Variants in BRD7 observed in about 807,000 individuals in gnomAD.
BRD7 encodes the protein bromodomain-containing protein 7.
In BRD7, 15 loss-of-function variants were observed where a neutral mutation model predicts 82.1. That is an observed-to-expected ratio of 0.18 (90% CI 0.12 to 0.28). BRD7 has a LOEUF of 0.28. Among genes scored for constraint, BRD7 ranks in the 10% least tolerant of loss-of-function variants. BRD7 has a pLI of 1.00. For synonymous variants in BRD7, 232 were observed against 266.9 expected (o/e 0.87, Z 1.27); for missense variants, 638 against 779.9 (o/e 0.82, Z 2.17).
chr16:50,327,166 A>G (rs922874705), intron 9 of BRD7, among the ~76,000 whole-genome samples: 4 of 152,242 alleles, frequency 2.6e-5, no homozygotes, highest in African/African-American at 9.6e-5. Flanking sequence ...GTACCAGACA[A>G]TGAAGCTGAG....
In BRD7 at chr16:50,364,423, C is replaced by T. The variant is rs151309074; in HGVS notation, c.258+3667G>A. Among the ~76,000 whole-genome samples the T allele has an allele frequency of 7.1e-3, 1,075 of 152,260 alleles. 2 individuals are homozygous for T. The highest frequency in any genetic ancestry group is 0.011 in the Non-Finnish European group (759 of 68,016). On this transcript the variant is annotated intron_variant, in intron 2 of 16. Transcript: ENST00000394688. ...ATCTCTCCCTGCTTCCCTGGTCTAGCCTGGAAAAAAAGAATGACCCAAACA... is the reference window on the plus strand; with the variant it reads ...ATCTCTCCCTGCTTCCCTGGTCTAGTCTGGAAAAAAAGAATGACCCAAACA...
rs1597058039 is a variant in BRD7 at position 50,339,834 on chromosome 16, T to C, written c.702+142A>G. 2.9e-5 allele frequency: 12 copies of C among 418,148 alleles called. No homozygotes were observed. The East Asian group carries it at 4.7e-4, about 16-fold the overall frequency. 25.9% of individuals were successfully genotyped at this position (418,148 alleles called of 1,614,324 possible). On this transcript the variant is annotated intron_variant, in intron 6 of 16. Transcript: ENST00000394688. The stretch of plus-strand genomic sequence containing the variant: ...CTTCTCTTTATTAAAATTTTTTTCA[T>C]TTAGTATTTTCTACTTTATTTAATA...
intron 8 of BRD7, 73 bp from the exon 9 acceptor site, chr16:50,328,817 T>A: frequency 7.3e-7 from 1 of 1,374,824 alleles, no homozygotes; most frequent in Admixed American, 1.8e-5. Context: ...TTATCCGAAA[T>A]GCTTGATACC....
At chr16:50,363,784 G>A (rs929668919) in intron 2 of BRD7, among the ~76,000 whole-genome samples, 1 of 152,096 alleles carries the variant, frequency 6.6e-6, no homozygotes, top group Non-Finnish European at 1.5e-5. Flanking sequence ...GCCAGATATG[G>A]TAGCTCACAC....
rs374505181 is a variant in BRD7 at position 50,335,013 on chromosome 16, TA to T, written c.703-119del. ...TCATTAACCAGGGAAGAAAAACAAT[TA>T]AATGTAATCATATACCAAGAGAGTA... On this transcript the variant is annotated intron_variant, in intron 6 of 16. Coordinates refer to ENST00000394688, the MANE Select transcript of BRD7 (RefSeq NM_013263.5). 5.1e-4 allele frequency: 502 copies of T among 993,836 alleles called. 3 individuals are homozygous for T. The African/African-American group carries it at 7.3e-3, about 14-fold the overall frequency. 61.6% of individuals were successfully genotyped at this position (993,836 alleles called of 1,614,324 possible).
At chr16:50,341,502 G>A (rs964481528) in intron 5 of BRD7, among the ~76,000 whole-genome samples, 1 of 151,748 alleles carries the variant, frequency 6.6e-6, no homozygotes, top group Non-Finnish European at 1.5e-5. Flanking sequence ...AATTAGCTGG[G>A]TGTGGTGACA....
chr16:50,349,424 TAAA>T, intron 5 of BRD7: 2 of 317,214 alleles, frequency 6.3e-6, no homozygotes, highest in South Asian at 2.6e-5. Flanking sequence ...GTAAACCATC[TAAA>T]AAAAAAAAAG....
intron 2 of BRD7, among the ~76,000 whole-genome samples, chr16:50,362,697 A>T (rs1402683083): frequency 6.6e-6 from 1 of 152,244 alleles, no homozygotes; most frequent in Non-Finnish European, 1.5e-5. Context: ...ACAGCTACAA[A>T]AAGACAAATA....
chr16:50,350,463 C>T (rs894583407), intron 4 of BRD7, among the ~76,000 whole-genome samples: 2 of 152,172 alleles, frequency 1.3e-5, no homozygotes, highest in Admixed American at 1.3e-4. Context: ...ACAACCTCAA[C>T]TAACTGACCA....
intron 1 of BRD7, 186 bp downstream of exon 1, chr16:50,368,540 G>C (rs1320100671): frequency 8.5e-6 from 6 of 707,960 alleles, no homozygotes; most frequent in Non-Finnish European, 1.3e-5. Flanking sequence ...GGACCAGGGG[G>C]ACCCGGGTTC....
intron 4 of BRD7, among the ~76,000 whole-genome samples, chr16:50,351,735 T>A (rs1003613682): frequency 1.3e-5 from 2 of 152,210 alleles, no homozygotes; most frequent in African/African-American, 2.4e-5. Flanking sequence ...TTGTTTCTAA[T>A]TGACATATAA....
chr16:50,354,395 A>G (rs762472573), intron 4 of BRD7, 30 bp downstream of exon 4: 2 of 1,570,358 alleles, frequency 1.3e-6, no homozygotes, highest in East Asian at 2.2e-5. Context: ...TTTAATTTCT[A>G]TGTTATAAAA....
At chr16:50,320,544 A>C (rs1314753934) in intron 14 of BRD7, 119 bp downstream of exon 14, 1 of 1,417,040 alleles carries the variant, frequency 7.1e-7, no homozygotes, top group East Asian at 2.3e-5. Flanking sequence ...CATTCATTTA[A>C]CTTGGTAAGC....
chr16:50,347,064 G>T (rs182196604), intron 5 of BRD7, among the ~76,000 whole-genome samples: 3 of 152,158 alleles, frequency 2.0e-5, no homozygotes, highest in African/African-American at 7.2e-5. Flanking sequence ...TATCCACCAC[G>T]ATCAAGTTGG....
At chr16:50,319,675 A>G (rs535818133) in intron 16 of BRD7, among the ~76,000 whole-genome samples, 197 of 152,354 alleles carry the variant, frequency 1.3e-3, no homozygotes, top group Non-Finnish European at 2.1e-3. Flanking sequence ...TCTATGAAGT[A>G]TATAAGTAGA....
chr16:50,362,845 AC>A (rs1485684687), intron 2 of BRD7, among the ~76,000 whole-genome samples: 14 of 152,360 alleles, frequency 9.2e-5, no homozygotes, highest in Non-Finnish European at 1.3e-4. Context: ...AAATAGTTGC[AC>A]AAAAATGTAA....
At chr16:50,354,186 G>C (rs973030986) in intron 4 of BRD7, among the ~76,000 whole-genome samples, 4 of 152,298 alleles carry the variant, frequency 2.6e-5, no homozygotes, top group African/African-American at 9.6e-5. Context: ...AATTACTTTA[G>C]AGACAGAAAT....
rs1274559404 is a variant in BRD7, at chr16:50,367,994, C to T, written c.258+96G>A. 33 of 1,212,872 alleles carry T rather than the reference C, an allele frequency of 2.7e-5. No individual in the cohort carries two copies. In the East Asian group the frequency reaches 7.2e-4, roughly 26 times the overall value. 75.1% of individuals were successfully genotyped at this position (1,212,872 alleles called of 1,614,324 possible). A position where few individuals can be genotyped will look rare whatever the true frequency, so the allele number is the denominator to read the frequency against. On this transcript the variant is annotated intron_variant, in intron 2 of 16. Coordinates refer to ENST00000394688, the MANE Select transcript of BRD7 (RefSeq NM_013263.5). The stretch of plus-strand genomic sequence containing the variant: ...CCTCAAACGAGCCAGATCTTAGAGG[C>T]GTTTGTTTTCCCCAGATACAAAGAA...
In BRD7 at chr16:50,354,800, T is replaced by C; in HGVS notation, c.381A>G (p.Lys127=). Residue 127 remains lysine (K), a synonymous_variant, in exon 3 of 17, where the codon AAA becomes AAG. Coordinates refer to ENST00000394688, the MANE Select transcript of BRD7 (RefSeq NM_013263.5). ...PEKPLTSSLA[K]QEEVEQTPLQ... is the part of the protein sequence containing the mutation. The stretch of plus-strand genomic sequence containing the variant: ...ATTCAGAGTTATTCCAACCTTCTTG[T>C]TTGGCTAAAGAGCTTGTGAGAGGCT... The C allele has an allele frequency of 2.5e-6, 4 of 1,610,934 alleles. No individual in the cohort carries two copies. Among genetic ancestry groups the C allele is most frequent in the Non-Finnish European group, 3.4e-6 (4 of 1,179,570 alleles).
Sources: gnomAD v4.1 joint callset for allele counts (sites outside exome capture counted in the v4.1 genomes callset) on GRCh38, gnomAD v4.1.1 for gene constraint, MANE v1.5 for transcripts, NCBI Gene and HGNC (gene_info 2026-07-23, HGNC 2026-07-21) for gene names.